The following RGS6 variants were observed in gnomAD, a reference collection of about 807,000 sequenced individuals.
The protein encoded by RGS6 is regulator of G-protein signaling 6.
RGS6 carries 30 observed loss-of-function variants against 78.5 expected under a neutral mutation model. The observed-to-expected ratio is 0.38, with a 90% CI of 0.29 to 0.52. The LOEUF (loss-of-function observed/expected upper bound fraction) is 0.52. Ranked by LOEUF, RGS6 falls within the 20% of genes least tolerant of loss-of-function variation. The pLI, the probability that RGS6 is intolerant of heterozygous loss-of-function variation, is 0.85. For missense variants in RGS6, 495 were observed against 609.7 expected (o/e 0.81, Z 1.98); for synonymous variants, 206 against 206.0 (o/e 1.00, Z 0.00).
At chr14:72,222,012 C>A (rs2046985958) in intron 2 of RGS6, among the ~76,000 whole-genome samples, 1 of 152,192 alleles carries the variant, frequency 6.6e-6, no homozygotes, top group Admixed American at 6.5e-5. Flanking sequence ...ACTCTTATTC[C>A]ACTTTCATGG....
At chr14:72,365,736 T>C (rs572704880) in intron 3 of RGS6, among the ~76,000 whole-genome samples, 18 of 152,204 alleles carry the variant, frequency 1.2e-4, no homozygotes, top group African/African-American at 1.7e-4. Context: ...TTATTAATAA[T>C]AAATATCTAA....
intron 2 of RGS6, among the ~76,000 whole-genome samples, chr14:72,222,528 T>C (rs1312769639): frequency 3.3e-5 from 5 of 152,188 alleles, no homozygotes; most frequent in African/African-American, 4.8e-5. Flanking sequence ...TTCACCACTA[T>C]AGATTGTCAT....
chr14:72,615,682 G>A, the RGS6 span, among the ~76,000 whole-genome samples: 3 of 152,154 alleles, frequency 2.0e-5, no homozygotes, highest in Non-Finnish European at 1.5e-5. Context: ...TTCCTACCTC[G>A]CCCTGGGGCA....
chr14:72,356,430 G>T (rs949019722), intron 3 of RGS6, among the ~76,000 whole-genome samples: 4 of 152,094 alleles, frequency 2.6e-5, no homozygotes, highest in African/African-American at 9.7e-5. Context: ...AGTCAATTAA[G>T]CTTCTTTCCT....
chr14:72,044,664 A>G (rs1031439792), intron 2 of RGS6, among the ~76,000 whole-genome samples: 6 of 152,110 alleles, frequency 3.9e-5, no homozygotes, highest in Non-Finnish European at 8.8e-5. Context: ...TGAGGTCAGG[A>G]GTTTGAAACC....
At chr14:72,410,026 A>C (rs1300861627) in intron 3 of RGS6, among the ~76,000 whole-genome samples, 2 of 152,172 alleles carry the variant, frequency 1.3e-5, no homozygotes, top group Non-Finnish European at 2.9e-5. Context: ...ATAAACATAC[A>C]TGTGCATGTG....
intron 7 of RGS6, 51 bp downstream of exon 7, chr14:72,465,873 T>C: frequency 7.1e-7 from 1 of 1,409,948 alleles, no homozygotes; most frequent in Non-Finnish European, 1.0e-6. Flanking sequence ...TAAAATCATA[T>C]CTGCAGCTCC....
At chr14:72,586,256 C>T in the RGS6 span, among the ~76,000 whole-genome samples, 6 of 152,298 alleles carry the variant, frequency 3.9e-5, no homozygotes, top group South Asian at 2.1e-4. Context: ...GGTGGAGGTA[C>T]GGCATGGTGG....
the RGS6 span, among the ~76,000 whole-genome samples, chr14:71,923,995 T>C: frequency 9.0e-3 from 1,376 of 152,306 alleles, 23 homozygotes; most frequent in African/African-American, 0.032. Flanking sequence ...AGGATTTTGT[T>C]TGGGGAAATG....
At chr14:71,995,228 G>GA (rs199678150) in intron 2 of RGS6, among the ~76,000 whole-genome samples, 13 of 150,714 alleles carry the variant, frequency 8.6e-5, no homozygotes, top group Admixed American at 5.9e-4. Flanking sequence ...ATCCCCAATT[G>GA]AAAAAAAAAT....
chr14:72,444,604 G>C (rs2095311272), intron 3 of RGS6, among the ~76,000 whole-genome samples: 1 of 152,188 alleles, frequency 6.6e-6, no homozygotes, highest in African/African-American at 2.4e-5. Context: ...TCCCAGATCA[G>C]TTTCCAGTTC....
chr14:72,213,280 T>G (rs79051317), intron 2 of RGS6, among the ~76,000 whole-genome samples: 1,793 of 152,252 alleles, frequency 0.012, 37 homozygotes, highest in African/African-American at 0.041. Flanking sequence ...TTTTTTGATG[T>G]TACTCCTGGG....
rs573132567 is a variant in RGS6, at chr14:72,562,845, A to G, written c.*378A>G. 33 of 1,237,002 alleles carry G rather than the reference A, an allele frequency of 2.7e-5. No homozygotes were observed. In the South Asian group the frequency reaches 4.1e-4, roughly 15 times the overall value. The allele number at this position is 1,237,002 out of a possible 1,614,324, so 76.6% of individuals were successfully genotyped here. A position where few individuals can be genotyped will look rare whatever the true frequency, so the allele number is the denominator to read the frequency against. ...ATCCTCACTCCCTCGCTGTCTGGAG[A>G]CGGTCACACCTTCTGGCAAATTCAA... On this transcript the variant is annotated 3_prime_UTR_variant, in exon 18 of 18. Transcript: ENST00000553525.
At chr14:72,232,477 AC>A (rs112268983) in intron 2 of RGS6, among the ~76,000 whole-genome samples, 8,614 of 152,176 alleles carry the variant, frequency 0.057, 446 homozygotes, top group African/African-American at 0.14. Context: ...CTTCCTTCCC[AC>A]CTCAGATCTT....
At chr14:72,450,174 T>C (rs1459447730) in intron 3 of RGS6, among the ~76,000 whole-genome samples, 2 of 151,950 alleles carry the variant, frequency 1.3e-5, no homozygotes, top group Non-Finnish European at 1.5e-5. Context: ...TATATATCTA[T>C]ACATATATAA....
intron 17 of RGS6, among the ~76,000 whole-genome samples, chr14:72,553,115 A>G (rs2097529242): frequency 6.6e-6 from 1 of 152,338 alleles, no homozygotes; most frequent in East Asian, 1.9e-4. Context: ...TGTTCAGTGT[A>G]TGGTGTGCAT....
At chr14:71,957,032 T>C (rs947064781) in intron 1 of RGS6, among the ~76,000 whole-genome samples, 5 of 152,072 alleles carry the variant, frequency 3.3e-5, no homozygotes, top group African/African-American at 1.2e-4. Context: ...ATGCTTGTAG[T>C]GGGATTTGAG....
chr14:72,623,555 T>C, the RGS6 span, among the ~76,000 whole-genome samples: 1 of 152,230 alleles, frequency 6.6e-6, no homozygotes, highest in African/African-American at 2.4e-5. Flanking sequence ...ATTCTGAGAC[T>C]GCTTTATGTG....
chr14:72,396,587 G>A (rs2091331729), intron 3 of RGS6, among the ~76,000 whole-genome samples: 2 of 152,068 alleles, frequency 1.3e-5, no homozygotes, highest in Admixed American at 1.3e-4. Flanking sequence ...TGTTGCCATT[G>A]CTTTTGGTGT....
Sources: allele counts gnomAD v4.1 joint callset (sites outside exome capture counted in the v4.1 genomes callset), GRCh38; gene constraint gnomAD v4.1.1; transcripts MANE v1.5; gene names NCBI Gene and HGNC (gene_info 2026-07-23, HGNC 2026-07-21).